Variants in SPPL3 observed in about 807,000 individuals in gnomAD.
SPPL3 encodes the protein signal peptide peptidase like 3.
Under a neutral mutation model 42.4 loss-of-function variants are expected in SPPL3, and 5 were observed. That is an observed-to-expected ratio of 0.12 (90% CI 0.06 to 0.25). The LOEUF (loss-of-function observed/expected upper bound fraction) is 0.25. SPPL3 is among the 10% of genes least tolerant of loss of function. The pLI, the probability that SPPL3 is intolerant of heterozygous loss-of-function variation, is 1.00. For synonymous variants in SPPL3, 195 were observed against 181.8 expected, an observed-to-expected ratio of 1.07 and a Z score of -0.58; for missense variants, 235 against 489.0, an observed-to-expected ratio of 0.48 and a Z score of 4.90.
Position 120,852,803 on chromosome 12 carries a change from C to CAT in SPPL3, c.24-41919_24-41918dup, listed in dbSNP as rs1872292061. The stretch of plus-strand genomic sequence containing the variant: ...AAATATATTTCATATATCATATATA[C>CAT]ATATATGAAATATATATTTCATATA... On this transcript the variant is annotated intron_variant, in intron 1 of 10. Coordinates refer to ENST00000353487, the MANE Select transcript of SPPL3 (RefSeq NM_139015.5). 5.7e-5 allele frequency among the ~76,000 whole-genome samples: 3 copies of CAT among 52,786 alleles called. No homozygotes were observed. The South Asian group carries it at 1.8e-3, about 32-fold the overall frequency. 34.6% of individuals were successfully genotyped at this position (52,786 alleles called of 152,430 possible).
At chr12:120,789,565 C>T in intron 3 of SPPL3, among the ~76,000 whole-genome samples, 1 of 151,564 alleles carries the variant, frequency 6.6e-6, no homozygotes, top group East Asian at 1.9e-4. Flanking sequence ...TGGCTCATGC[C>T]TATAATCCCA....
rs1028675206 is a variant in SPPL3 at position 120,876,629 on chromosome 12, A to G, written c.23+27216T>C. 5.3e-5 allele frequency among the ~76,000 whole-genome samples: 8 copies of G among 150,644 alleles called. 1 individual carries two copies. Among genetic ancestry groups the G allele is most frequent in the Non-Finnish European group, 1.2e-4 (8 of 67,648 alleles). ...GAGACTCTGTCTCAAAAAAAAAAAA[A>G]AAAAAAAGAAGAAAGAAAATATTTT... On this transcript the variant is annotated intron_variant, in intron 1 of 10. Coordinates refer to ENST00000353487, the MANE Select transcript of SPPL3 (RefSeq NM_139015.5).
chr12:120,773,230 G>A (rs1314723665), intron 6 of SPPL3, among the ~76,000 whole-genome samples: 3 of 152,174 alleles, frequency 2.0e-5, no homozygotes, highest in Admixed American at 6.5e-5. Flanking sequence ...CAAAGATTTG[G>A]TTGTGTCATG....
At chr12:120,770,438 A>G (rs1289165814) in intron 6 of SPPL3, among the ~76,000 whole-genome samples, 1 of 152,048 alleles carries the variant, frequency 6.6e-6, no homozygotes, top group Non-Finnish European at 1.5e-5. Flanking sequence ...CATAAATTAG[A>G]TGTTATCATT....
At chr12:120,784,851 A>G (rs1302950522) in intron 3 of SPPL3, among the ~76,000 whole-genome samples, 1 of 149,388 alleles carries the variant, frequency 6.7e-6, no homozygotes, top group Non-Finnish European at 1.5e-5. Flanking sequence ...AACCATCTGG[A>G]TGACAGGATC....
chr12:120,772,025 C>G (rs1566037402), intron 6 of SPPL3, among the ~76,000 whole-genome samples: 11 of 152,122 alleles, frequency 7.2e-5, no homozygotes. Flanking sequence ...TGCTGCTGCT[C>G]TTTTTTTGTT....
chr12:120,818,600 A>G (rs1440869606), intron 1 of SPPL3, among the ~76,000 whole-genome samples: 2 of 152,226 alleles, frequency 1.3e-5, no homozygotes, highest in Non-Finnish European at 2.9e-5. Flanking sequence ...AACGTGTTCT[A>G]TGTGTCAGCC....
intron 2 of SPPL3, among the ~76,000 whole-genome samples, chr12:120,800,365 T>G (rs1367865943): frequency 6.6e-6 from 1 of 152,036 alleles, no homozygotes; most frequent in African/African-American, 2.4e-5. Flanking sequence ...TAGCTGGGCC[T>G]GGTGGCGCAC....
intron 1 of SPPL3, among the ~76,000 whole-genome samples, chr12:120,814,361 C>G (rs1197603441): frequency 6.6e-6 from 1 of 152,284 alleles, no homozygotes; most frequent in East Asian, 1.9e-4. Flanking sequence ...GAGCCTCTCT[C>G]TTGGGTCCCA....
chr12:120,816,472 C>T (rs1208626641), intron 1 of SPPL3, among the ~76,000 whole-genome samples: 1 of 152,186 alleles, frequency 6.6e-6, no homozygotes, highest in Non-Finnish European at 1.5e-5. Flanking sequence ...TTTGAAATTT[C>T]ATATACTATT....
chr12:120,876,935 G>C (rs1454236494), intron 1 of SPPL3, among the ~76,000 whole-genome samples: 1 of 151,156 alleles, frequency 6.6e-6, no homozygotes, highest in Non-Finnish European at 1.5e-5. Flanking sequence ...GAAACTAAAA[G>C]CAATTCTTTG....
chr12:120,816,972 C>A lies in SPPL3; in HGVS notation c.24-6086G>T, dbSNP rs150852676. ...CTTTGGGCCCAGATAAACTTGAAGG[C>A]CAAATTAATTTTTATTTTTCAAGGG... is the stretch of plus-strand genomic sequence containing the variant. On this transcript the variant is annotated intron_variant, in intron 1 of 10. Transcript: ENST00000353487. Among the ~76,000 whole-genome samples, 144 of 152,066 alleles carry A rather than the reference C, an allele frequency of 9.5e-4. No homozygotes were observed. The East Asian group carries it at 0.027, about 29-fold the overall frequency.
intron 1 of SPPL3, among the ~76,000 whole-genome samples, chr12:120,885,084 C>A (rs1325075551): frequency 1.3e-5 from 2 of 152,150 alleles, no homozygotes; most frequent in Non-Finnish European, 2.9e-5. Context: ...TATATTAATA[C>A]TTTGTAATAC....
intron 1 of SPPL3, among the ~76,000 whole-genome samples, chr12:120,856,033 A>T (rs1212455357): frequency 6.6e-6 from 1 of 152,200 alleles, no homozygotes; most frequent in Non-Finnish European, 1.5e-5. Flanking sequence ...ATATTACAGC[A>T]CTGTCCAATC....
intron 1 of SPPL3, among the ~76,000 whole-genome samples, chr12:120,851,474 GA>G (rs1872221080): frequency 6.6e-6 from 1 of 151,830 alleles, no homozygotes; most frequent in Non-Finnish European, 1.5e-5. Context: ...GAGGCCAAAA[GA>G]AATGCCTAAT....
At chr12:120,852,828 A>ATC (rs1872295416) in intron 1 of SPPL3, among the ~76,000 whole-genome samples, 1 of 145,246 alleles carries the variant, frequency 6.9e-6, no homozygotes, top group East Asian at 2.0e-4. Context: ...TATTTCATAT[A>ATC]ATATATACAT....
At chr12:120,767,246 GCAT>G in intron 9 of SPPL3, 145 bp downstream of exon 9, 4 of 780,562 alleles carry the variant, frequency 5.1e-6, no homozygotes, top group Non-Finnish European at 8.1e-6. Flanking sequence ...AAAACACTTA[GCAT>G]CTCACGGGCC....
At chr12:120,769,280 C>A in intron 6 of SPPL3, 1 of 445,696 alleles carries the variant, frequency 2.2e-6, no homozygotes, top group South Asian at 2.4e-5. Flanking sequence ...TCCTCCTAGA[C>A]ATAGTGCTCG....
rs1593020143 is a variant in SPPL3, at chr12:120,903,550, C to G, written c.23+295G>C. On this transcript the variant is annotated intron_variant, in intron 1 of 10. Coordinates refer to ENST00000353487, the MANE Select transcript of SPPL3 (RefSeq NM_139015.5). The stretch of plus-strand genomic sequence containing the variant: ...GATTCAACTTCCCATCCGTGGGATT[C>G]CCACCCCCGGGGTCATGCTCCCCTT... The G allele has an allele frequency of 2.2e-5, 9 of 407,232 alleles. No homozygotes were observed. The South Asian group carries it at 3.1e-4, about 14-fold the overall frequency. 25.2% of individuals were successfully genotyped at this position (407,232 alleles called of 1,614,324 possible). A position where few individuals can be genotyped will look rare whatever the true frequency, so the allele number is the denominator to read the frequency against.
Sources: allele counts gnomAD v4.1 joint callset (sites outside exome capture counted in the v4.1 genomes callset), GRCh38; gene constraint gnomAD v4.1.1; transcripts MANE v1.5; gene names NCBI Gene and HGNC (gene_info 2026-07-23, HGNC 2026-07-21).